The following TTLL13 variants were observed in gnomAD, a reference collection of about 807,000 sequenced individuals.
TTLL13 encodes tubulin tyrosine ligase like 13.
At chr15:90,250,573 G>C in the TTLL13 span, 3 of 1,559,166 alleles carry the variant, frequency 1.9e-6, no homozygotes, top group Non-Finnish European at 2.6e-6. Context: ...GCCTGAGGGA[G>C]GTCTGAGGTC....
At chr15:90,253,216 A>G in the TTLL13 span, 4 of 1,578,130 alleles carry the variant, frequency 2.5e-6, no homozygotes, top group Middle Eastern at 1.7e-4. Flanking sequence ...GCTGGTGTCC[A>G]TGCTGGCACT....
chr15:90,255,790 C>T, the TTLL13 span: 1 of 1,614,174 alleles, frequency 6.2e-7, no homozygotes, highest in Non-Finnish European at 8.5e-7. Flanking sequence ...CAGAAATCTG[C>T]CGCAAAGATC....
chr15:90,262,961 T>C, the TTLL13 span: 83 of 1,535,322 alleles, frequency 5.4e-5, no homozygotes, highest in African/African-American at 1.1e-3. Context: ...TCATGTACCT[T>C]GTAGCTGCTG....
chr15:90,257,334 C>G, the TTLL13 span: 1 of 1,568,682 alleles, frequency 6.4e-7, no homozygotes, highest in Non-Finnish European at 8.6e-7. Flanking sequence ...TGCTGAGGTT[C>G]TCTAGAGAAA....
the TTLL13 span, chr15:90,264,880 C>G: frequency 6.5e-7 from 1 of 1,536,130 alleles, no homozygotes; most frequent in Non-Finnish European, 8.7e-7. Context: ...ACTCTGAACA[C>G]AGAGCAGCCA....
the TTLL13 span, among the ~76,000 whole-genome samples, chr15:90,251,114 C>CT: frequency 0.046 from 4,783 of 104,634 alleles, 417 homozygotes; most frequent in Non-Finnish European, 0.053. Context: ...CCTGGTCTGT[C>CT]TTTTTTTTTT....
At chr15:90,260,511 A>AAAAAT in the TTLL13 span, among the ~76,000 whole-genome samples, 3 of 151,942 alleles carry the variant, frequency 2.0e-5, no homozygotes, top group South Asian at 4.2e-4. Flanking sequence ...AATTAAATTA[A>AAAAAT]AAAATAAAAT....
chr15:90,250,083 G>A, the TTLL13 span, among the ~76,000 whole-genome samples: 1 of 151,598 alleles, frequency 6.6e-6, no homozygotes, highest in Non-Finnish European at 1.5e-5. Context: ...TCAGCCTCCC[G>A]AGTAGCTGGG....
the TTLL13 span, chr15:90,263,572 G>A: frequency 1.6e-5 from 9 of 567,068 alleles, no homozygotes; most frequent in East Asian, 1.4e-4. Flanking sequence ...ACTATTCCCT[G>A]GGCTGGTAGC....
At chr15:90,258,835 C>T in the TTLL13 span, 1 of 1,614,138 alleles carries the variant, frequency 6.2e-7, no homozygotes, top group Non-Finnish European at 8.5e-7. Flanking sequence ...TTGTCAACCT[C>T]CGGGGCTGTG....
the TTLL13 span, among the ~76,000 whole-genome samples, chr15:90,260,631 T>A: frequency 6.6e-6 from 1 of 152,054 alleles, no homozygotes; most frequent in African/African-American, 2.4e-5. Context: ...GGTGGGCGGA[T>A]CAGGAGGTCA....
At chr15:90,256,215 A>G in the TTLL13 span, 4 of 1,614,056 alleles carry the variant, frequency 2.5e-6, no homozygotes, top group Non-Finnish European at 3.4e-6. Context: ...AGTGGCTGTC[A>G]GGGACGTGGC....
At chr15:90,250,990 C>A in the TTLL13 span, 2 of 1,441,468 alleles carry the variant, frequency 1.4e-6, no homozygotes, top group Non-Finnish European at 1.9e-6. Context: ...TTCCCTTTAG[C>A]CTACAAAAGA....
At chr15:90,260,118 T>C in the TTLL13 span, among the ~76,000 whole-genome samples, 4 of 152,192 alleles carry the variant, frequency 2.6e-5, no homozygotes, top group Non-Finnish European at 4.4e-5. Flanking sequence ...ATGAAATGTG[T>C]CTTTCAATAA....
chr15:90,255,388 T>C, the TTLL13 span, among the ~76,000 whole-genome samples: 1 of 152,188 alleles, frequency 6.6e-6, no homozygotes, highest in Non-Finnish European at 1.5e-5. Flanking sequence ...TGGGGAATGC[T>C]TTCGTCTCAT....
At chr15:90,253,408 C>G in the TTLL13 span, 1 of 1,480,400 alleles carries the variant, frequency 6.8e-7, no homozygotes, top group Non-Finnish European at 9.3e-7. Flanking sequence ...GGGCTAGGGC[C>G]CCAGAATGAC....
chr15:90,262,512 G>A, the TTLL13 span: 15 of 1,512,038 alleles, frequency 9.9e-6, no homozygotes, highest in South Asian at 1.2e-5. Flanking sequence ...GAGGAGATCC[G>A]CCTTAAGCAG....
the TTLL13 span, among the ~76,000 whole-genome samples, chr15:90,260,629 G>C: frequency 6.3e-3 from 956 of 152,222 alleles, 16 homozygotes; most frequent in African/African-American, 0.022. Context: ...GAGGTGGGCG[G>C]ATCAGGAGGT....
the TTLL13 span, among the ~76,000 whole-genome samples, chr15:90,253,093 G>A: frequency 5.9e-5 from 9 of 152,310 alleles, no homozygotes; most frequent in East Asian, 1.7e-3. Flanking sequence ...ACTTGAAATT[G>A]TCATGTGGTA....
Sources: allele counts gnomAD v4.1 joint callset (sites outside exome capture counted in the v4.1 genomes callset), GRCh38; gene constraint gnomAD v4.1.1; transcripts MANE v1.5; gene names NCBI Gene and HGNC (gene_info 2026-07-23, HGNC 2026-07-21).